The following ERBB4 variants were observed in gnomAD, a reference collection of about 807,000 sequenced individuals.
ERBB4 encodes receptor tyrosine-protein kinase erbB-4.
A neutral mutation model predicts 158.0 loss-of-function variants in ERBB4; 42 were observed. That is an observed-to-expected ratio of 0.27 (90% CI 0.21 to 0.34). The LOEUF (loss-of-function observed/expected upper bound fraction) is 0.34, where lower values mean the gene tolerates loss of function less well. ERBB4 is among the 10% of genes least tolerant of loss of function. The pLI, the probability that ERBB4 is intolerant of heterozygous loss-of-function variation, is 1.00. For missense variants in ERBB4, 1,333 were observed against 1,624.1 expected (o/e 0.82, Z 3.08); for synonymous variants, 583 against 558.7 (o/e 1.04, Z -0.61).
At chr2:212,424,701 A>G (rs189183227) in intron 1 of ERBB4, among the ~76,000 whole-genome samples, 6 of 151,924 alleles carry the variant, frequency 3.9e-5, no homozygotes, top group Non-Finnish European at 7.4e-5. Context: ...TGGATTAACA[A>G]ATTTTTTTTT....
intron 1 of ERBB4, among the ~76,000 whole-genome samples, chr2:212,438,141 G>C (rs984050597): frequency 1.3e-5 from 2 of 151,688 alleles, no homozygotes; most frequent in African/African-American, 4.8e-5. Flanking sequence ...ACATCTACCA[G>C]GTAAATTTAA....
intron 16 of ERBB4, among the ~76,000 whole-genome samples, chr2:211,646,084 A>C (rs1272656925): frequency 6.6e-6 from 1 of 151,554 alleles, no homozygotes; most frequent in East Asian, 1.9e-4. Context: ...GCTGTCCATA[A>C]AGTACTATTA....
chr2:211,657,171 A>C (rs2071246496), intron 16 of ERBB4, among the ~76,000 whole-genome samples: 1 of 151,954 alleles, frequency 6.6e-6, no homozygotes, highest in Admixed American at 6.5e-5. Flanking sequence ...ATATTCTATT[A>C]AAGGTATATA....
intron 8 of ERBB4, 68 bp downstream of exon 8, chr2:211,713,467 T>C: frequency 1.0e-6 from 1 of 964,416 alleles, no homozygotes; most frequent in South Asian, 1.3e-5. Context: ...GTTGGTCTAC[T>C]TAAAAGTGAA....
intron 4 of ERBB4, among the ~76,000 whole-genome samples, chr2:211,752,466 T>C (rs1336739187): frequency 1.3e-5 from 2 of 148,962 alleles, no homozygotes; most frequent in African/African-American, 2.5e-5. Flanking sequence ...GCCTTATTCT[T>C]TGTGGCCAGA....
intron 3 of ERBB4, among the ~76,000 whole-genome samples, chr2:211,866,360 C>T (rs1221716466): frequency 6.6e-6 from 1 of 151,988 alleles, no homozygotes; most frequent in African/African-American, 2.4e-5. Context: ...TGGATGTTTT[C>T]CTATTTTGTA....
intron 1 of ERBB4, among the ~76,000 whole-genome samples, chr2:212,280,657 T>C (rs911438297): frequency 6.6e-6 from 1 of 151,628 alleles, no homozygotes; most frequent in African/African-American, 2.4e-5. Flanking sequence ...TTATCAGGAG[T>C]ATTACAGTTA....
intron 20 of ERBB4, among the ~76,000 whole-genome samples, chr2:211,517,105 T>A (rs2066055632): frequency 6.6e-6 from 1 of 152,136 alleles, no homozygotes; most frequent in African/African-American, 2.4e-5. Context: ...TTTGTTGATA[T>A]TTTCCAAAAC....
chr2:212,147,738 G>A (rs563853051), intron 1 of ERBB4, among the ~76,000 whole-genome samples: 2 of 152,258 alleles, frequency 1.3e-5, no homozygotes, highest in East Asian at 3.9e-4. Flanking sequence ...ATCAAATTTT[G>A]TTAGTTTGAG....
At chr2:211,662,902 T>C (rs907640448) in intron 15 of ERBB4, among the ~76,000 whole-genome samples, 1 of 152,196 alleles carries the variant, frequency 6.6e-6, no homozygotes, top group Non-Finnish European at 1.5e-5. Context: ...TGACATCATA[T>C]AGGCATATAA....
chr2:211,387,451 A>T (rs1422732186), intron 26 of ERBB4, among the ~76,000 whole-genome samples: 4 of 152,228 alleles, frequency 2.6e-5, no homozygotes, highest in Non-Finnish European at 4.4e-5. Flanking sequence ...GCCTATATTT[A>T]ATACAAATTT....
chr2:211,810,350 C>A (rs2076721115), intron 3 of ERBB4, among the ~76,000 whole-genome samples: 1 of 152,140 alleles, frequency 6.6e-6, no homozygotes, highest in Admixed American at 6.5e-5. Flanking sequence ...CCTCTAAGGA[C>A]TTGCTTTATG....
At chr2:211,599,536 T>TGTGTGTGTG (rs1559336933) in intron 19 of ERBB4, among the ~76,000 whole-genome samples, 1 of 150,376 alleles carries the variant, frequency 6.6e-6, no homozygotes, top group African/African-American at 2.4e-5. Flanking sequence ...TGTGTGTGTG[T>TGTGTGTGTG]TTCCTGTCAA....
At chr2:211,542,020 A>G (rs1475466813) in intron 20 of ERBB4, among the ~76,000 whole-genome samples, 2 of 151,932 alleles carry the variant, frequency 1.3e-5, no homozygotes, top group African/African-American at 4.8e-5. Context: ...TTTTATTGTT[A>G]TTGATCTCAT....
At chr2:211,866,646 A>T (rs1011698020) in intron 3 of ERBB4, among the ~76,000 whole-genome samples, 2 of 152,188 alleles carry the variant, frequency 1.3e-5, no homozygotes, top group Non-Finnish European at 2.9e-5. Context: ...AATAAACATT[A>T]AAAAACTTAA....
intron 1 of ERBB4, among the ~76,000 whole-genome samples, chr2:212,174,082 T>G (rs2081592828): frequency 6.6e-6 from 1 of 152,020 alleles, no homozygotes; most frequent in Non-Finnish European, 1.5e-5. Flanking sequence ...GCTGAACTGA[T>G]AGAAAACTGC....
intron 12 of ERBB4, among the ~76,000 whole-genome samples, chr2:211,695,931 GCT>G (rs2106011792): frequency 6.6e-6 from 1 of 151,896 alleles, no homozygotes; most frequent in East Asian, 1.9e-4. Context: ...GCTCGCTCTT[GCT>G]CTTTCTTTTC....
chr2:212,489,964 A>C (rs1306653581), intron 1 of ERBB4, among the ~76,000 whole-genome samples: 1 of 151,668 alleles, frequency 6.6e-6, no homozygotes, highest in East Asian at 1.9e-4. Flanking sequence ...TTTTTCTTTC[A>C]GTGTGTTTCT....
chr2:211,836,470 A>G (rs916153304), intron 3 of ERBB4, among the ~76,000 whole-genome samples: 1 of 152,104 alleles, frequency 6.6e-6, no homozygotes, highest in Non-Finnish European at 1.5e-5. Context: ...AATCCATTAG[A>G]GATTTAGGCA....
Sources: gnomAD v4.1 joint callset for allele counts (sites outside exome capture counted in the v4.1 genomes callset) on GRCh38, gnomAD v4.1.1 for gene constraint, MANE v1.5 for transcripts, NCBI Gene and HGNC (gene_info 2026-07-23, HGNC 2026-07-21) for gene names.